The following RNGTT variants were observed in gnomAD, a reference collection of about 807,000 sequenced individuals.
The protein encoded by RNGTT is RNA guanylyltransferase and 5'-phosphatase, also known as mRNA-capping enzyme.
In RNGTT, 33 loss-of-function variants were observed where a neutral mutation model predicts 79.3. The observed-to-expected ratio is 0.42, with a 90% confidence interval of 0.32 to 0.56. RNGTT has a LOEUF of 0.56. RNGTT is among the 20% of genes least tolerant of loss of function. The probability of loss-of-function intolerance (pLI) is 0.17; values close to 1 mark genes in which losing one functional copy is unlikely to be tolerated. For synonymous variants in RNGTT, 222 were observed against 235.9 expected, an observed-to-expected ratio of 0.94 and a Z score of 0.54; for missense variants, 497 against 739.1, an observed-to-expected ratio of 0.67 and a Z score of 3.80.
chr6:88,619,706 C>G (rs945773107), intron 14 of RNGTT, among the ~76,000 whole-genome samples: 1 of 152,104 alleles, frequency 6.6e-6, no homozygotes, highest in Non-Finnish European at 1.5e-5. Context: ...TATAATTCTA[C>G]CTTTTGATAA....
intron 14 of RNGTT, among the ~76,000 whole-genome samples, chr6:88,632,567 A>G (rs1772940431): frequency 6.7e-6 from 1 of 150,104 alleles, no homozygotes; most frequent in East Asian, 2.0e-4. Context: ...ACACACACAC[A>G]CACACACACA....
chr6:88,730,481 G>A (rs1429201790), intron 13 of RNGTT, among the ~76,000 whole-genome samples: 1 of 152,170 alleles, frequency 6.6e-6, no homozygotes, highest in East Asian at 1.9e-4. Flanking sequence ...ATCTGTAAGG[G>A]CGCACCCTTC....
chr6:88,835,597 C>T (rs1582520711), intron 11 of RNGTT, among the ~76,000 whole-genome samples: 2 of 152,020 alleles, frequency 1.3e-5, no homozygotes, highest in South Asian at 2.1e-4. Context: ...ATAACCTATT[C>T]CCTGAAAATA....
At chr6:88,865,723 C>T (rs958539797) in intron 8 of RNGTT, among the ~76,000 whole-genome samples, 13 of 152,094 alleles carry the variant, frequency 8.5e-5, no homozygotes, top group African/African-American at 2.9e-4. Flanking sequence ...TGTCTAAGAG[C>T]TTGTTTTCTA....
At chr6:88,920,037 G>A (rs1467324430) in intron 4 of RNGTT, among the ~76,000 whole-genome samples, 1 of 152,142 alleles carries the variant, frequency 6.6e-6, no homozygotes, top group African/African-American at 2.4e-5. Context: ...GGGACATTTT[G>A]TAATGTCTAG....
intron 13 of RNGTT, among the ~76,000 whole-genome samples, chr6:88,726,154 A>G (rs1237791733): frequency 6.6e-6 from 1 of 152,168 alleles, no homozygotes; most frequent in Admixed American, 6.5e-5. Context: ...TGACCCTGTA[A>G]CACTCCAATA....
chr6:88,638,602 G>A (rs559368970), intron 14 of RNGTT, among the ~76,000 whole-genome samples: 4 of 152,152 alleles, frequency 2.6e-5, no homozygotes, highest in East Asian at 1.9e-4. Context: ...AAGTTTAGAC[G>A]AAAACAAAGC....
intron 8 of RNGTT, among the ~76,000 whole-genome samples, chr6:88,877,395 T>G (rs1422893325): frequency 6.6e-6 from 1 of 152,226 alleles, no homozygotes; most frequent in Admixed American, 6.5e-5. Context: ...GCACTACAGA[T>G]AGCGGCTCCC....
chr6:88,827,956 G>A (rs1780726574), intron 11 of RNGTT, among the ~76,000 whole-genome samples: 1 of 152,128 alleles, frequency 6.6e-6, no homozygotes, highest in African/African-American at 2.4e-5. Flanking sequence ...GCAGCTATAG[G>A]CACAACTTCA....
At chr6:88,890,633 A>G in intron 7 of RNGTT, 37 bp from the exon 8 acceptor site, 1 of 1,438,766 alleles carries the variant, frequency 7.0e-7, no homozygotes, top group South Asian at 1.2e-5. Flanking sequence ...CGTGGCTGGT[A>G]TCCATACAAA....
chr6:88,951,168 AT>A (rs1785234590), intron 1 of RNGTT, among the ~76,000 whole-genome samples: 1 of 152,100 alleles, frequency 6.6e-6, no homozygotes, highest in South Asian at 2.1e-4. Context: ...CAATACAAAC[AT>A]TTTTTAAAGT....
At chr6:88,903,140 T>C (rs887994719) in intron 6 of RNGTT, among the ~76,000 whole-genome samples, 2 of 152,082 alleles carry the variant, frequency 1.3e-5, no homozygotes, top group African/African-American at 4.8e-5. Flanking sequence ...GTAAGACAAT[T>C]TGAATCTAAT....
chr6:88,778,147 G>C (rs1213459981), intron 12 of RNGTT, among the ~76,000 whole-genome samples: 1 of 152,048 alleles, frequency 6.6e-6, no homozygotes, highest in Non-Finnish European at 1.5e-5. Context: ...ATCTCACTTG[G>C]GGATTTTAAA....
chr6:88,716,611 T>C lies in RNGTT; in HGVS notation c.1440-38192A>G, dbSNP rs573987900. Among the ~76,000 whole-genome samples, 4 of 152,256 alleles carry C rather than the reference T, an allele frequency of 2.6e-5. No homozygotes were observed. In the East Asian group the frequency reaches 5.8e-4, roughly 22 times the overall value. Reference sequence around the variant, plus strand: ...GACTGGATTAAGAAAATGTGGCACATATACACCATGGAATACTATGCAGCC... The same window carrying C: ...GACTGGATTAAGAAAATGTGGCACACATACACCATGGAATACTATGCAGCC... On this transcript the variant is annotated intron_variant, in intron 13 of 15. Transcript: ENST00000369485.
intron 1 of RNGTT, among the ~76,000 whole-genome samples, chr6:88,956,874 A>G (rs1353355596): frequency 6.6e-6 from 1 of 152,054 alleles, no homozygotes; most frequent in Non-Finnish European, 1.5e-5. Context: ...CCCCGCTTCT[A>G]TTAAAAATAC....
At position 88,705,863 on chromosome 6, in the gene RNGTT, C is replaced by G. The variant is rs117693366; in HGVS notation, c.1440-27444G>C. Among the ~76,000 whole-genome samples, 780 of 152,180 alleles carry G rather than the reference C, an allele frequency of 5.1e-3. 6 individuals carry two copies. Among genetic ancestry groups the G allele is most frequent in the Middle Eastern group, 0.01 (3 of 294 alleles). The stretch of plus-strand genomic sequence containing the variant: ...AAAACTCAGAGCCTCCTTTCACTTT[C>G]TAGCAGGTGATACTCAAAATGGGGT... On this transcript the variant is annotated intron_variant, in intron 13 of 15. Coordinates refer to ENST00000369485, the MANE Select transcript of RNGTT (RefSeq NM_003800.5).
chr6:88,951,375 G>A (rs1015117923), intron 1 of RNGTT, among the ~76,000 whole-genome samples: 8 of 152,138 alleles, frequency 5.3e-5, no homozygotes, highest in African/African-American at 1.9e-4. Context: ...AGCAGGGTTG[G>A]GGAGAATTGA....
intron 8 of RNGTT, among the ~76,000 whole-genome samples, chr6:88,858,504 T>G (rs1325720836): frequency 6.6e-6 from 1 of 151,962 alleles, no homozygotes; most frequent in South Asian, 2.1e-4. Context: ...AATTCATGCA[T>G]AGCTGATAAT....
intron 11 of RNGTT, among the ~76,000 whole-genome samples, chr6:88,822,356 T>C (rs1780522300): frequency 6.6e-6 from 1 of 152,226 alleles, no homozygotes; most frequent in Non-Finnish European, 1.5e-5. Flanking sequence ...ATAATACATT[T>C]GAACATTTTA....
Sources: gnomAD v4.1 joint callset for allele counts (sites outside exome capture counted in the v4.1 genomes callset) on GRCh38, gnomAD v4.1.1 for gene constraint, MANE v1.5 for transcripts, NCBI Gene and HGNC (gene_info 2026-07-23, HGNC 2026-07-21) for gene names.